Variants in ZFPM1 observed in about 807,000 individuals in gnomAD.
The protein encoded by ZFPM1 is zinc finger protein, FOG family member 1, also known as zinc finger protein ZFPM1.
In ZFPM1, 28 loss-of-function variants were observed where a neutral mutation model predicts 46.3. That is an observed-to-expected ratio of 0.60 (90% CI 0.45 to 0.83). The LOEUF (loss-of-function observed/expected upper bound fraction) is 0.83, where lower values mean the gene tolerates loss of function less well. Ranked by LOEUF, ZFPM1 falls within the 40% of genes least tolerant of loss-of-function variation. The probability of loss-of-function intolerance (pLI) is 0.00; values close to 1 mark genes in which losing one functional copy is unlikely to be tolerated. For synonymous variants in ZFPM1, 957 were observed against 675.9 expected, an observed-to-expected ratio of 1.42 and a Z score of -6.45; for missense variants, 1,878 against 1,432.4, an observed-to-expected ratio of 1.31 and a Z score of -5.02.
At chr16:88,521,207 C>G (rs1911857737) in intron 4 of ZFPM1, among the ~76,000 whole-genome samples, 2 of 151,864 alleles carry the variant, frequency 1.3e-5, no homozygotes, top group Admixed American at 1.3e-4. Flanking sequence ...GTGCTGTTTC[C>G]CACTGCCACT....
rs1331006666 is a variant in ZFPM1, at chr16:88,533,214, G to T, written c.1256G>T (p.Gly419Val). Residue 419 changes from glycine to valine, a missense_variant, in exon 10 of 10, where the codon GGC (glycine) becomes GTC (valine). Coordinates refer to ENST00000319555, the MANE Select transcript of ZFPM1 (RefSeq NM_153813.3). ...GGCCCCCTGGCCTCCGCGGACCTGGGCCTGGCGCCCACCCCATCGCCAGGA... is the reference window on the plus strand; with the variant it reads ...GGCCCCCTGGCCTCCGCGGACCTGGTCCTGGCGCCCACCCCATCGCCAGGA... ...LQGPLASADL[G>V]LAPTPSPGLD... The T allele has an allele frequency of 6.4e-7, 1 of 1,561,742 alleles. No individual in the cohort carries two copies. Among genetic ancestry groups the T allele is most frequent in the Admixed American group, 1.9e-5 (1 of 53,330 alleles).
chr16:88,513,104 G>A (rs1017725292), intron 3 of ZFPM1: 16 of 152,262 alleles, frequency 1.1e-4, no homozygotes, highest in African/African-American at 2.9e-4. Flanking sequence ...GCCAAGCCCT[G>A]CAGGGGCAGG....
At chr16:88,521,764 CCT>C (rs760240911) in intron 4 of ZFPM1, among the ~76,000 whole-genome samples, 5 of 140,982 alleles carry the variant, frequency 3.5e-5, no homozygotes, top group Admixed American at 2.1e-4. Context: ...TGTTCCCTCC[CCT>C]GTGCTGTTCC....
chr16:88,525,750 G>C (rs1464502630), intron 4 of ZFPM1, among the ~76,000 whole-genome samples: 1 of 152,206 alleles, frequency 6.6e-6, no homozygotes, highest in African/African-American at 2.4e-5. Flanking sequence ...GGGCACCACA[G>C]AGCGAGGCCA....
rs1276083104 is a variant in ZFPM1, at chr16:88,533,821, G to A, written c.1863G>A (p.Pro621=). The stretch of plus-strand genomic sequence containing the variant: ...GCAGGCCCAAGGCGCCCCCCGGCCC[G>A]GCCCGCGCGCCCCCCGGCCAGCCCG... ...AARRPKAPPG[P]ARAPPGQPAE... Residue 621 remains proline, a synonymous_variant, in exon 10 of 10, where the codon CCG becomes CCA. Coordinates refer to ENST00000319555, the MANE Select transcript of ZFPM1 (RefSeq NM_153813.3). 9.9e-7 allele frequency: 1 copy of A among 1,012,622 alleles called. No homozygotes were observed. The highest frequency in any genetic ancestry group is 1.2e-6 in the Non-Finnish European group (1 of 843,492). 62.7% of individuals were successfully genotyped at this position (1,012,622 alleles called of 1,614,324 possible). A position where few individuals can be genotyped will look rare whatever the true frequency, so the allele number is the denominator to read the frequency against.
intron 3 of ZFPM1, among the ~76,000 whole-genome samples, chr16:88,494,534 C>A (rs142471221): frequency 9.8e-4 from 149 of 152,242 alleles, no homozygotes; most frequent in Middle Eastern, 3.4e-3. Context: ...CACAGCAAAC[C>A]CAGGAAGCGA....
In ZFPM1 at chr16:88,486,740, C is replaced by T. The variant is rs1030018097; in HGVS notation, c.145+697C>T. ...GGCACAGTGGATGCTGGGTGCACAG[C>T]GGATGGGTGCTGGGTGCACAGTGGA... On this transcript the variant is annotated intron_variant, in intron 2 of 9. Transcript: ENST00000319555. Among the ~76,000 whole-genome samples the T allele has an allele frequency of 7.3e-4, 104 of 142,290 alleles. No homozygotes were observed. The Middle Eastern group carries it at 0.012, about 16-fold the overall frequency. 93.3% of individuals were successfully genotyped at this position (142,290 alleles called of 152,430 possible).
chr16:88,475,301 A>C (rs541788633), intron 1 of ZFPM1, among the ~76,000 whole-genome samples: 16 of 152,300 alleles, frequency 1.1e-4, no homozygotes, highest in African/African-American at 3.6e-4. Flanking sequence ...GAGGGTGGGC[A>C]CACACAGGGA....
At chr16:88,456,095 G>A (rs1480912616) in intron 1 of ZFPM1, among the ~76,000 whole-genome samples, 1 of 152,260 alleles carries the variant, frequency 6.6e-6, no homozygotes, top group Non-Finnish European at 1.5e-5. Context: ...CCGGGGAGCC[G>A]GCGTCCCTGC....
intron 5 of ZFPM1, among the ~76,000 whole-genome samples, chr16:88,527,194 A>G (rs1207997276): frequency 4.6e-5 from 7 of 152,130 alleles, no homozygotes; most frequent in African/African-American, 1.7e-4. Context: ...TCTGGGGGAC[A>G]CCGTGATCCC....
At chr16:88,502,752 C>T (rs1910438028) in intron 3 of ZFPM1, among the ~76,000 whole-genome samples, 2 of 152,256 alleles carry the variant, frequency 1.3e-5, no homozygotes, top group Non-Finnish European at 2.9e-5. Flanking sequence ...CCGGCATGGG[C>T]GGGCTCAGGT....
chr16:88,495,442 C>T (rs1909880152), intron 3 of ZFPM1, among the ~76,000 whole-genome samples: 1 of 152,248 alleles, frequency 6.6e-6, no homozygotes, highest in African/African-American at 2.4e-5. Context: ...CCGAGGAGGC[C>T]TCACTTGTCC....
rs1157668492 is a variant in ZFPM1 at position 88,471,286 on chromosome 16, A to G, written c.41-14653A>G. Among the ~76,000 whole-genome samples, 1 of 152,256 alleles carries G rather than the reference A, an allele frequency of 6.6e-6. No homozygotes were observed. The highest frequency in any genetic ancestry group is 1.5e-5 in the Non-Finnish European group (1 of 68,038). On this transcript the variant is annotated intron_variant, in intron 1 of 9. Transcript: ENST00000319555. The surrounding 1 kb of genome is among the most constrained non-coding windows in gnomAD (Gnocchi z 4.1). The stretch of plus-strand genomic sequence containing the variant: ...GCCATGTGTGACCTCCACCCTCGCG[A>G]AGGCCAGCGGCCGCAGGGTCTGGCT...
rs1912923253 is a variant in ZFPM1, at chr16:88,533,047, CCA to C, written c.1190-99_1190-98del. ...GGTCCGTTTCAGCCTTCGCTCTAAA[CCA>C]CTCCCGCCCACCCCTCCCCTTCCGG... On this transcript the variant is annotated intron_variant, in intron 9 of 9. Transcript: ENST00000319555. 3 of 1,485,934 alleles carry C rather than the reference CCA, an allele frequency of 2.0e-6. No homozygotes were observed. In the Admixed American group the frequency reaches 6.4e-5, roughly 32 times the overall value. The allele number at this position is 1,485,934 out of a possible 1,614,324, so 92.0% of individuals were successfully genotyped here. A position where few individuals can be genotyped will look rare whatever the true frequency, so the allele number is the denominator to read the frequency against.
rs1912831117 is a variant in ZFPM1 at position 88,532,106 on chromosome 16, C to T, written c.817C>T (p.Pro273Ser). 3.1e-6 allele frequency: 5 copies of T among 1,612,378 alleles called. No individual in the cohort carries two copies. Among genetic ancestry groups the T allele is most frequent in the African/African-American group, 1.3e-5 (1 of 75,044 alleles). The change falls in exon 7 of 10, where the codon CCG (proline) becomes TCG (serine). Residue 273 changes from proline to serine, a missense_variant. Pro to Ser is a moderately conservative substitution (Grantham distance 74). Coordinates refer to ENST00000319555, the MANE Select transcript of ZFPM1 (RefSeq NM_153813.3). Reference sequence around the variant, plus strand: ...CGCCAGCCGCCAGGGCACCGGCTCCCCGGCCGCAGCCGCCACAGACGAGAA... The same window carrying T: ...CGCCAGCCGCCAGGGCACCGGCTCCTCGGCCGCAGCCGCCACAGACGAGAA... ...YCASRQGTGSPAAAATDEKPK... is the reference protein window; with the variant it reads ...YCASRQGTGSSAAAATDEKPK...
chr16:88,485,787 G>A (rs568650303), intron 1 of ZFPM1, 152 bp from the exon 2 acceptor site: 1 of 635,640 alleles, frequency 1.6e-6, no homozygotes, highest in South Asian at 2.0e-5. Context: ...ACAGCCACCT[G>A]TCCTTTGACC....
chr16:88,517,468 ATGGCTGGG>A (rs1245902139), intron 4 of ZFPM1, among the ~76,000 whole-genome samples: 4 of 127,328 alleles, frequency 3.1e-5, no homozygotes, highest in African/African-American at 6.1e-5. Context: ...AAATGGATGG[ATGGCTGGG>A]TGGATGGATG....
chr16:88,455,304 C>T (rs1403468180), intron 1 of ZFPM1, among the ~76,000 whole-genome samples: 5 of 152,152 alleles, frequency 3.3e-5, no homozygotes, highest in African/African-American at 1.2e-4. Context: ...GCGGGCAGAG[C>T]GCGCGCACTT....
chr16:88,455,711 C>T (rs1313542212), intron 1 of ZFPM1, among the ~76,000 whole-genome samples: 5 of 152,054 alleles, frequency 3.3e-5, no homozygotes, highest in African/African-American at 4.8e-5. Context: ...ATAGATGTGC[C>T]GCGCTGATAA....
Sources: allele counts gnomAD v4.1 joint callset (sites outside exome capture counted in the v4.1 genomes callset), GRCh38; gene constraint gnomAD v4.1.1; non-coding constraint Gnocchi (gnomAD v3.1); transcripts MANE v1.5; gene names NCBI Gene and HGNC (gene_info 2026-07-23, HGNC 2026-07-21).